The following CNBD1 variants were observed in gnomAD, a reference collection of about 807,000 sequenced individuals.
CNBD1 encodes cyclic nucleotide-binding domain-containing protein 1.
Under a neutral mutation model 54.4 loss-of-function variants are expected in CNBD1, and 71 were observed. The observed-to-expected ratio is 1.30, with a 90% confidence interval of 1.08 to 1.59. The LOEUF (loss-of-function observed/expected upper bound fraction) is 1.59, where lower values mean the gene tolerates loss of function less well. CNBD1 is among the 40% of genes most tolerant of loss of function. CNBD1 has a pLI of 0.00. For synonymous variants in CNBD1, 182 were observed against 170.7 expected (o/e 1.07, Z -0.51); for missense variants, 659 against 518.0 (o/e 1.27, Z -2.64).
intron 4 of CNBD1, among the ~76,000 whole-genome samples, chr8:87,072,945 A>G (rs1490540202): frequency 6.6e-6 from 1 of 151,958 alleles, no homozygotes; most frequent in Non-Finnish European, 1.5e-5. Context: ...CAGGCACCCC[A>G]ATCTGTCATA....
intron 10 of CNBD1, among the ~76,000 whole-genome samples, chr8:87,356,491 A>G (rs1810422909): frequency 6.6e-6 from 1 of 152,156 alleles, no homozygotes; most frequent in Admixed American, 6.5e-5. Context: ...CATGCCCTAA[A>G]GATTTGTGGA....
intron 2 of CNBD1, among the ~76,000 whole-genome samples, chr8:87,424,872 T>C (rs1808017421): frequency 6.6e-6 from 1 of 152,160 alleles, no homozygotes; most frequent in Non-Finnish European, 1.5e-5. Context: ...TGGCCTGCCT[T>C]GCTAGATTGG....
chr8:86,868,233 AAAG>A (rs1808391729), intron 1 of CNBD1, among the ~76,000 whole-genome samples: 1 of 152,198 alleles, frequency 6.6e-6, no homozygotes, highest in Non-Finnish European at 1.5e-5. Context: ...ACATACCTAA[AAAG>A]AAAATCCAGC....
At chr8:87,372,902 C>T (rs1045576033) in intron 10 of CNBD1, among the ~76,000 whole-genome samples, 1 of 151,750 alleles carries the variant, frequency 6.6e-6, no homozygotes, top group African/African-American at 2.4e-5. Flanking sequence ...GTCAACTTTG[C>T]ATATAACTGT....
intron 4 of CNBD1, among the ~76,000 whole-genome samples, chr8:87,033,127 T>C (rs1452187394): frequency 6.6e-6 from 1 of 152,224 alleles, no homozygotes; most frequent in Admixed American, 6.5e-5. Context: ...TAAATAACAA[T>C]GATGGCATCT....
At chr8:87,087,263 A>G (rs140194388) in intron 4 of CNBD1, among the ~76,000 whole-genome samples, 1,725 of 144,282 alleles carry the variant, frequency 0.012, 32 homozygotes, top group African/African-American at 0.039. Context: ...ATATATATAC[A>G]TATATATATA....
chr8:87,225,163 T>C (rs1289127751), intron 5 of CNBD1, among the ~76,000 whole-genome samples: 3 of 150,072 alleles, frequency 2.0e-5, no homozygotes, highest in Admixed American at 2.0e-4. Flanking sequence ...TGGGGTTTTC[T>C]AGATATACAA....
intron 8 of CNBD1, among the ~76,000 whole-genome samples, chr8:87,333,356 T>C (rs1427425198): frequency 6.6e-6 from 1 of 152,198 alleles, no homozygotes; most frequent in African/African-American, 2.4e-5. Flanking sequence ...TCTATTTGAA[T>C]ATCCTTTATT....
At chr8:87,054,731 G>T (rs1810378858) in intron 4 of CNBD1, among the ~76,000 whole-genome samples, 1 of 152,214 alleles carries the variant, frequency 6.6e-6, no homozygotes. Flanking sequence ...TTACACCGAA[G>T]TGTAGCCTTG....
At chr8:87,422,392 G>T (rs1807956062) in intron 2 of CNBD1, among the ~76,000 whole-genome samples, 1 of 98,584 alleles carries the variant, frequency 1.0e-5, no homozygotes, top group African/African-American at 6.1e-5. Flanking sequence ...TTCTTCCAGG[G>T]TTTTTATGGT....
chr8:87,125,253 G>C (rs1811968058), intron 4 of CNBD1, among the ~76,000 whole-genome samples: 1 of 151,554 alleles, frequency 6.6e-6, no homozygotes, highest in Non-Finnish European at 1.5e-5. Context: ...CTATCAAAAT[G>C]CCAATATCAT....
At chr8:86,899,343 T>A (rs1469450064) in intron 2 of CNBD1, among the ~76,000 whole-genome samples, 1 of 151,786 alleles carries the variant, frequency 6.6e-6, no homozygotes, top group Middle Eastern at 3.4e-3. Context: ...AAAAAAAAAA[T>A]GGGTAACTAT....
chr8:87,175,770 G>A (rs1813184342), intron 4 of CNBD1, among the ~76,000 whole-genome samples: 1 of 152,150 alleles, frequency 6.6e-6, no homozygotes, highest in African/African-American at 2.4e-5. Flanking sequence ...AAGCTCGCTG[G>A]CTCCAAGCCA....
Position 87,284,798 on chromosome 8 carries a change from T to A in CNBD1, c.892T>A (p.Tyr298Asn), listed in dbSNP as rs1396336984. ...CEILKIPAKG[Y>N]AKIKEEKIKL... Reference sequence around the variant, plus strand: ...AATTCTTAAAATCCCAGCAAAGGGATATGCAAAGATAAAGGAGGTAAGATG... The same window carrying A: ...AATTCTTAAAATCCCAGCAAAGGGAAATGCAAAGATAAAGGAGGTAAGATG... Residue 298 changes from tyrosine (Y) to asparagine (N), a missense_variant, in exon 7 of 11, where the codon TAT becomes AAT. Physicochemically the swap from Tyr to Asn is moderately radical, Grantham distance 143. Transcript: ENST00000518476. The A allele has an allele frequency of 2.5e-6, 4 of 1,585,686 alleles. No individual in the cohort carries two copies. Among genetic ancestry groups the A allele is most frequent in the Non-Finnish European group, 3.4e-6 (4 of 1,165,562 alleles).
chr8:87,380,946 A>G (rs913136416), intron 10 of CNBD1, among the ~76,000 whole-genome samples: 1 of 152,056 alleles, frequency 6.6e-6, no homozygotes, highest in Non-Finnish European at 1.5e-5. Context: ...AACTCTTAGA[A>G]GAATACGTAG....
intron 8 of CNBD1, among the ~76,000 whole-genome samples, chr8:87,308,941 A>G (rs554900860): frequency 1.3e-5 from 2 of 152,256 alleles, no homozygotes; most frequent in South Asian, 2.1e-4. Context: ...TTATACCTCA[A>G]TCGTATTCTA....
chr8:87,140,103 C>T (rs1812342005), intron 4 of CNBD1, among the ~76,000 whole-genome samples: 1 of 152,144 alleles, frequency 6.6e-6, no homozygotes, highest in Non-Finnish European at 1.5e-5. Context: ...CTGTGTCCCA[C>T]ACAGAATAGT....
At chr8:87,308,477 T>C (rs1478787163) in intron 8 of CNBD1, among the ~76,000 whole-genome samples, 1 of 152,176 alleles carries the variant, frequency 6.6e-6, no homozygotes, top group Non-Finnish European at 1.5e-5. Context: ...TGATATATAA[T>C]GTACATATTT....
intron 8 of CNBD1, among the ~76,000 whole-genome samples, chr8:87,301,345 A>G (rs1181124567): frequency 6.6e-6 from 1 of 152,188 alleles, no homozygotes; most frequent in African/African-American, 2.4e-5. Context: ...AATTTATTTT[A>G]TGAAGCCAGC....
Sources: gnomAD v4.1 joint callset for allele counts (sites outside exome capture counted in the v4.1 genomes callset) on GRCh38, gnomAD v4.1.1 for gene constraint, MANE v1.5 for transcripts, NCBI Gene and HGNC (gene_info 2026-07-23, HGNC 2026-07-21) for gene names.